The following DAPK2 variants were observed in gnomAD, a reference collection of about 807,000 sequenced individuals.
The protein encoded by DAPK2 is death associated protein kinase 2.
DAPK2 carries 35 observed loss-of-function variants against 44.1 expected under a neutral mutation model. That is an observed-to-expected ratio of 0.79 (90% confidence interval 0.61 to 1.05). The LOEUF is 1.05. Among genes scored for constraint, DAPK2 ranks in the 50% least tolerant of loss-of-function variants. DAPK2 has a pLI of 0.00. For synonymous variants in DAPK2, 174 were observed against 182.6 expected (o/e 0.95, Z 0.38); for missense variants, 453 against 483.2 (o/e 0.94, Z 0.59).
At chr15:63,940,341 C>T (rs2140455218) in intron 3 of DAPK2, among the ~76,000 whole-genome samples, 1 of 151,896 alleles carries the variant, frequency 6.6e-6, no homozygotes, top group South Asian at 2.1e-4. Context: ...ATGTGAACAC[C>T]CATAGCACAT....
intron 2 of DAPK2, among the ~76,000 whole-genome samples, chr15:63,977,855 C>G (rs1004290361): frequency 1.3e-5 from 2 of 152,162 alleles, no homozygotes; most frequent in African/African-American, 4.8e-5. Flanking sequence ...TTTCTCAGCC[C>G]CAGTTCACCA....
chr15:63,949,803 T>C (rs1220151329), intron 3 of DAPK2, among the ~76,000 whole-genome samples: 1 of 152,238 alleles, frequency 6.6e-6, no homozygotes, highest in Non-Finnish European at 1.5e-5. Context: ...GGCAAGTCAC[T>C]CATCTCTTTC....
At chr15:64,030,166 T>C (rs935405195) in intron 1 of DAPK2, 1 of 152,282 alleles carries the variant, frequency 6.6e-6, no homozygotes, top group African/African-American at 2.4e-5. Flanking sequence ...CGGGTGCCTA[T>C]AGCCCCAGCT....
intron 3 of DAPK2, among the ~76,000 whole-genome samples, chr15:63,942,701 G>A (rs982782518): frequency 1.3e-5 from 2 of 152,020 alleles, no homozygotes; most frequent in Non-Finnish European, 2.9e-5. Context: ...CTCCTGCCTG[G>A]AACACTCTCC....
chr15:63,945,550 G>A (rs910954491), intron 3 of DAPK2, among the ~76,000 whole-genome samples: 1 of 152,168 alleles, frequency 6.6e-6, no homozygotes, highest in Non-Finnish European at 1.5e-5. Context: ...CTAAGGGTCA[G>A]CAGAGTGGCA....
At chr15:64,022,442 C>T (rs1375532562) in intron 1 of DAPK2, among the ~76,000 whole-genome samples, 2 of 152,216 alleles carry the variant, frequency 1.3e-5, no homozygotes, top group East Asian at 3.8e-4. Flanking sequence ...TTCTTCACTT[C>T]ACCCAATAGA....
At chr15:63,926,359 A>G (rs1195159947) in intron 6 of DAPK2, among the ~76,000 whole-genome samples, 8 of 152,126 alleles carry the variant, frequency 5.3e-5, no homozygotes. Flanking sequence ...ACACAGAGAC[A>G]TGTCTCTTTG....
chr15:64,036,269 AT>A (rs2141182058), intron 1 of DAPK2, among the ~76,000 whole-genome samples: 2 of 74,842 alleles, frequency 2.7e-5, no homozygotes, highest in South Asian at 8.8e-4. Context: ...CAAAATATAT[AT>A]ATATGTGTGT....
In DAPK2 at chr15:63,923,430, A is replaced by G; in HGVS notation, c.858+1386T>C. 2.0e-6 allele frequency: 3 copies of G among 1,475,440 alleles called. No homozygotes were observed. The highest frequency in any genetic ancestry group is 2.7e-6 in the Non-Finnish European group (3 of 1,116,608). The allele number at this position is 1,475,440 out of a possible 1,614,324, so 91.4% of individuals were successfully genotyped here. On this transcript the variant is annotated intron_variant, in intron 8 of 10. Transcript: ENST00000261891. This position sits in a 1 kb window ranked among gnomAD's most constrained non-coding sequence, Gnocchi z 4.2. ...CCAAAGGGTAGGCAGAAGGCACACA[A>G]GCGGCCTCTGGCATTCACTGCATGC... is the stretch of plus-strand genomic sequence containing the variant.
At position 63,983,617 on chromosome 15, in the gene DAPK2, A is replaced by G. The variant is rs371887575; in HGVS notation, c.230T>C (p.Ile77Thr). 4.3e-6 allele frequency: 7 copies of G among 1,614,008 alleles called. No individual in the cohort carries two copies. In the African/African-American group the frequency reaches 6.7e-5, roughly 15 times the overall value. Residue 77 changes from isoleucine (I) to threonine (T), a missense_variant, in exon 2 of 11, where the codon ATC becomes ACC. Physicochemically the swap from Ile to Thr is moderately conservative, Grantham distance 89. Coordinates refer to ENST00000261891, the Ensembl canonical transcript of DAPK2. ...ATTGTGGTGCAGCACCTGCCGCAGG[A>G]TGCTCACCTCCCGCTCGATCTCCTC...
chr15:63,996,896 G>A (rs1445403598), intron 1 of DAPK2, among the ~76,000 whole-genome samples: 1 of 151,924 alleles, frequency 6.6e-6, no homozygotes, highest in Admixed American at 6.6e-5. Context: ...CTGCCCCCAC[G>A]CTTGCAGGTG....
intron 3 of DAPK2, among the ~76,000 whole-genome samples, chr15:63,944,081 C>G (rs574784056): frequency 1.3e-5 from 2 of 152,094 alleles, no homozygotes; most frequent in African/African-American, 4.8e-5. Flanking sequence ...TCAGGAGCTC[C>G]TGAGCAGGAG....
chr15:63,968,127 T>C (rs751291952), intron 3 of DAPK2, among the ~76,000 whole-genome samples: 1 of 152,164 alleles, frequency 6.6e-6, no homozygotes, highest in Non-Finnish European at 1.5e-5. Context: ...TGGATCTTAA[T>C]TGCATGATCC....
chr15:63,990,084 T>A lies in DAPK2; in HGVS notation c.93-6330A>T, dbSNP rs1382395938. The stretch of plus-strand genomic sequence containing the variant: ...CACTGCCACCCACCCTCACCCTCTG[T>A]GGTAAGCCACAGCCAACCAGACTTG... On this transcript the variant is annotated intron_variant, in intron 1 of 10. Coordinates refer to ENST00000261891, the Ensembl canonical transcript of DAPK2. The surrounding 1 kb of genome is among the most constrained non-coding windows in gnomAD (Gnocchi z 4.3). Among the ~76,000 whole-genome samples the A allele has an allele frequency of 6.6e-6, 1 of 152,122 alleles. No individual in the cohort carries two copies. The highest frequency in any genetic ancestry group is 2.4e-5 in the African/African-American group (1 of 41,422).
intron 4 of DAPK2, chr15:63,932,533 T>TA (rs908019118): frequency 1.3e-4 from 17 of 132,386 alleles, no homozygotes; most frequent in African/African-American, 4.4e-4. Context: ...GATGACACTT[T>TA]ATTTTATTTA....
rs544743575 is a variant in DAPK2, at chr15:63,959,061, G to C, written c.453+12362C>G. Among the ~76,000 whole-genome samples the C allele has an allele frequency of 4.1e-4, 62 of 152,256 alleles. 1 individual carries two copies. The highest frequency in any genetic ancestry group is 6.0e-4 in the Non-Finnish European group (41 of 68,010). On this transcript the variant is annotated intron_variant, in intron 3 of 10. Coordinates refer to ENST00000261891, the Ensembl canonical transcript of DAPK2. ...GTGGTTTGTAGTTCTCCTTGAAGAG[G>C]TCCTTCACATCCCTTGTAAGTTGGA...
At chr15:64,018,348 T>C (rs1282814022) in intron 1 of DAPK2, among the ~76,000 whole-genome samples, 1 of 152,120 alleles carries the variant, frequency 6.6e-6, no homozygotes, top group African/African-American at 2.4e-5. Context: ...TGCCTCAGAC[T>C]CAGAAATTAG....
chr15:63,979,695 T>C (rs2078449388), intron 2 of DAPK2, among the ~76,000 whole-genome samples: 1 of 151,970 alleles, frequency 6.6e-6, no homozygotes, highest in Non-Finnish European at 1.5e-5. Context: ...AGTGGATCAC[T>C]GGAGGCCAGG....
intron 1 of DAPK2, among the ~76,000 whole-genome samples, chr15:64,015,437 C>T (rs1240737916): frequency 6.6e-6 from 1 of 152,162 alleles, no homozygotes; most frequent in African/African-American, 2.4e-5. Context: ...CAGCTCAGTG[C>T]CCAGCCTGCA....
Sources: allele counts gnomAD v4.1 joint callset (sites outside exome capture counted in the v4.1 genomes callset), GRCh38; gene constraint gnomAD v4.1.1; non-coding constraint Gnocchi (gnomAD v3.1); transcripts MANE v1.5; gene names NCBI Gene and HGNC (gene_info 2026-07-23, HGNC 2026-07-21).